HDAC6: variants seen among roughly 807,000 people sequenced by gnomAD.
HDAC6 encodes histone deacetylase 6, also known as protein deacetylase HDAC6.
A neutral mutation model predicts 88.9 loss-of-function variants in HDAC6; 5 were observed. That is an observed-to-expected ratio of 0.06 (90% confidence interval 0.03 to 0.12). The LOEUF (loss-of-function observed/expected upper bound fraction) is 0.12. Among genes scored for constraint, HDAC6 ranks in the 10% least tolerant of loss-of-function variants. The pLI is 1.00. For synonymous variants in HDAC6, 378 were observed against 398.0 expected (o/e 0.95, Z 0.60); for missense variants, 706 against 1,014.4 (o/e 0.70, Z 4.13).
intron 10 of HDAC6, among the ~76,000 whole-genome samples, chrX:48,809,780 T>A (rs1029996082): frequency 1.9e-5 from 2 of 108,027 alleles, no homozygotes; most frequent in Non-Finnish European, 3.8e-5. Flanking sequence ...CCAGCCTGGG[T>A]GATAGACTGA....
intron 18 of HDAC6, 25 bp downstream of exon 18, chrX:48,816,294 G>A (rs377099993): frequency 1.6e-4 from 188 of 1,195,872 alleles, no homozygotes; most frequent in Non-Finnish European, 2.0e-4. Flanking sequence ...CCTGGGGTGG[G>A]TGGATTCCCA....
intron 19 of HDAC6, 145 bp downstream of exon 19, chrX:48,816,778 A>T: frequency 2.3e-6 from 1 of 425,683 alleles, no homozygotes; most frequent in Non-Finnish European, 3.8e-6. Context: ...GTGGGCCTAG[A>T]GGCTGGGGGA....
In HDAC6 at chrX:48,823,795, G is replaced by A. The variant is rs2063124148; in HGVS notation, c.3303+10G>A. 8.4e-7 allele frequency: 1 copy of A among 1,190,886 alleles called. No homozygotes were observed. The highest frequency in any genetic ancestry group is 1.1e-6 in the Non-Finnish European group (1 of 878,678). On this transcript the variant is annotated intron_variant, in intron 26 of 28. Transcript: ENST00000334136. ...GGGCCTCACTGATCAGGTGAGCTCAGGGAGAGGCTGGGACTGTGGCTTCCT... is the reference window on the plus strand; with the variant it reads ...GGGCCTCACTGATCAGGTGAGCTCAAGGAGAGGCTGGGACTGTGGCTTCCT...
At chrX:48,815,757 C>CCT in intron 16 of HDAC6, 115 bp downstream of exon 16, 2 of 1,012,713 alleles carry the variant, frequency 2.0e-6, no homozygotes, top group Non-Finnish European at 2.8e-6. Flanking sequence ...AGGGTCAGGC[C>CCT]CTCTCTCTCT....
At chrX:48,821,527 G>T (rs2063083222) in intron 23 of HDAC6, among the ~76,000 whole-genome samples, 1 of 86,358 alleles carries the variant, frequency 1.2e-5, no homozygotes, top group African/African-American at 4.5e-5. Context: ...TTTTGAGACA[G>T]AGTCTCGCCG....
chrX:48,811,332 G>C (rs1557025883), intron 10 of HDAC6, among the ~76,000 whole-genome samples: 1 of 112,149 alleles, frequency 8.9e-6, no homozygotes, highest in Non-Finnish European at 1.9e-5. Flanking sequence ...AGTTTCTTCT[G>C]TTGTCTGAGT....
chrX:48,816,402 G>A (rs1356667472), intron 18 of HDAC6, 63 bp from the exon 19 acceptor site: 8 of 1,123,577 alleles, frequency 7.1e-6, no homozygotes, highest in Non-Finnish European at 9.5e-6. Flanking sequence ...TCTTAGGGGT[G>A]GGGACCAGGG....
rs782355824 is a variant in HDAC6 at position 48,822,897 on chromosome X, C to T, written c.2513-15C>T. The stretch of plus-strand genomic sequence containing the variant: ...GACAGTACCCACACTCAAGGATCTC[C>T]CTCCCTGGTTCCAGAGGTAGAAGAC... On this transcript the variant is annotated splice_polypyrimidine_tract_variant and intron_variant, in intron 24 of 28. Transcript: ENST00000334136. The T allele has an allele frequency of 8.5e-7, 1 of 1,171,384 alleles. No individual in the cohort carries two copies.
At chrX:48,805,696 G>C in intron 6 of HDAC6, 25 bp downstream of exon 6, 1 of 1,141,333 alleles carries the variant, frequency 8.8e-7, no homozygotes, top group Non-Finnish European at 1.2e-6. Flanking sequence ...GCCTTGTAGG[G>C]ATGGGGAGGA....
rs1557023078 is a variant in HDAC6, at chrX:48,803,155, G to C, written c.250G>C (p.Ala84Pro). Reference sequence around the variant, plus strand: ...TCTGAACCTTGAGGCTGAAGCACTGGCTGGCACTGGCTTGGTGTTGGATGA... The same window carrying C: ...TCTGAACCTTGAGGCTGAAGCACTGCCTGGCACTGGCTTGGTGTTGGATGA... ...MDLNLEAEAL[A>P]GTGLVLDEQL... Residue 84 changes from alanine (A) to proline (P), a missense_variant, in exon 4 of 29, where the codon GCT (alanine) becomes CCT (proline). Physicochemically the swap from Ala to Pro is conservative, Grantham distance 27. This residue lies in a region of HDAC6 where 193 missense variants were observed against 258.2 expected (regional missense o/e 0.75). Transcript: ENST00000334136. 1 of 1,210,446 alleles carries C rather than the reference G, an allele frequency of 8.3e-7. No individual in the cohort carries two copies. Among genetic ancestry groups the C allele is most frequent in the Non-Finnish European group, 1.1e-6 (1 of 894,673 alleles).
upstream of HDAC6, chrX:48,801,604 C>T (rs897914168): frequency 4.4e-6 from 1 of 227,914 alleles, no homozygotes; most frequent in East Asian, 1.6e-4. Context: ...CTGTCGGGAA[C>T]CGCCGGCGCC....
intron 6 of HDAC6, chrX:48,806,042 A>G (rs2062812415): frequency 2.8e-6 from 1 of 359,633 alleles, no homozygotes; most frequent in Admixed American, 5.0e-5. Context: ...GCTAGCTTCC[A>G]GAGCAGGTAT....
chrX:48,807,703 G>A (rs188229605), intron 8 of HDAC6, among the ~76,000 whole-genome samples: 5 of 111,413 alleles, frequency 4.5e-5, no homozygotes, highest in South Asian at 3.7e-4. Flanking sequence ...TAGTAGAGAC[G>A]GGGTTTCACC....
intron 20 of HDAC6, 69 bp downstream of exon 20, chrX:48,817,528 T>G: frequency 2.0e-6 from 2 of 1,005,127 alleles, no homozygotes; most frequent in Non-Finnish European, 2.7e-6. Flanking sequence ...CCCAGCCCAT[T>G]GTTTACTCAT....
At chrX:48,817,741 G>A in intron 20 of HDAC6, 1 of 416,071 alleles carries the variant, frequency 2.4e-6, no homozygotes, top group South Asian at 4.2e-5. Flanking sequence ...ACAGAACCCA[G>A]GTCTAGGCTC....
intron 9 of HDAC6, 21 bp downstream of exon 9, chrX:48,808,158 G>A: frequency 8.6e-7 from 1 of 1,161,837 alleles, no homozygotes; most frequent in Non-Finnish European, 1.2e-6. Flanking sequence ...GAGGGCAGAT[G>A]TGATGGGGGT....
chrX:48,808,963 C>T (rs1569503009), intron 10 of HDAC6, among the ~76,000 whole-genome samples: 1 of 112,281 alleles, frequency 8.9e-6, no homozygotes, highest in Non-Finnish European at 1.9e-5. Flanking sequence ...CGACAACTTG[C>T]TTTATTCATT....
Position 48,817,613 on chromosome X carries a change from G to A in HDAC6, c.1925+154G>A, listed in dbSNP as rs56747159. On this transcript the variant is annotated intron_variant, in intron 20 of 28. Coordinates refer to ENST00000334136, the MANE Select transcript of HDAC6 (RefSeq NM_006044.4). ...TGCAGTCCTTACCCAGAGAAGGACCGAGGATGGAGCCTCTCAGTGCTTATT... is the reference window on the plus strand; with the variant it reads ...TGCAGTCCTTACCCAGAGAAGGACCAAGGATGGAGCCTCTCAGTGCTTATT... 9.4e-4 allele frequency: 461 copies of A among 492,074 alleles called. 1 individual carries two copies. The East Asian group carries it at 0.016, about 17-fold the overall frequency. The allele number at this position is 492,074 out of a possible 1,213,427, so 40.6% of individuals were successfully genotyped here. A position where few individuals can be genotyped will look rare whatever the true frequency, so the allele number is the denominator to read the frequency against.
At position 48,815,399 on chromosome X, in the gene HDAC6, C is replaced by G. The variant is rs781872521; in HGVS notation, c.1165C>G (p.Arg389Gly). Residue 389 changes from arginine to glycine, a missense_variant, in exon 15 of 29, where the codon CGC (arginine) becomes GGC (glycine). By Grantham distance (125) the Arg-to-Gly change is moderately radical (BLOSUM62 -2). Around this residue, in one of 9 missense-constraint regions of HDAC6, gnomAD observed 106 missense variants for 135.1 expected, o/e 0.78. Transcript: ENST00000334136. ...ILSLEGGYNL[R>G]ALAEGVSASL... ...CTTGCCCCAGGGTGGCTACAACCTC[C>G]GCGCCCTGGCTGAAGGCGTCAGTGC... The G allele has an allele frequency of 8.3e-7, 1 of 1,198,831 alleles. No individual in the cohort carries two copies. The highest frequency in any genetic ancestry group is 1.8e-5 in the African/African-American group (1 of 56,789).
Sources: allele counts gnomAD v4.1 joint callset (sites outside exome capture counted in the v4.1 genomes callset), GRCh38; gene constraint gnomAD v4.1.1; regional missense constraint gnomAD v4.1.1; transcripts MANE v1.5; gene names NCBI Gene and HGNC (gene_info 2026-07-23, HGNC 2026-07-21).